Variants in SDAD1 observed in about 807,000 individuals in gnomAD.
SDAD1 encodes the protein protein SDA1 homolog.
Under a neutral mutation model 100.3 loss-of-function variants are expected in SDAD1, and 79 were observed. That is an observed-to-expected ratio of 0.79 (90% CI 0.66 to 0.95). The LOEUF (loss-of-function observed/expected upper bound fraction) is 0.95. SDAD1 is among the 40% of genes least tolerant of loss of function. The pLI is 0.00. For missense variants in SDAD1, 790 were observed against 810.9 expected (o/e 0.97, Z 0.31); for synonymous variants, 267 against 271.4 (o/e 0.98, Z 0.16).
At chr4:75,986,120 C>T (rs533391305) in intron 1 of SDAD1, among the ~76,000 whole-genome samples, 2 of 152,096 alleles carry the variant, frequency 1.3e-5, no homozygotes, top group South Asian at 4.2e-4. Context: ...TTATTTTTTT[C>T]ATTTTAATTT....
rs372914043 is a variant in SDAD1, at chr4:75,954,040, T to C, written c.2016+1935A>G. Among the ~76,000 whole-genome samples, 13 of 152,240 alleles carry C rather than the reference T, an allele frequency of 8.5e-5. No homozygotes were observed. The East Asian group carries it at 1.7e-3, about 20-fold the overall frequency. ...TTATTTTGCATTGCTTTTCTGAAAC[T>C]GTTTCTGAGATATCACCACACAAAA... On this transcript the variant is annotated intron_variant, in intron 21 of 21. Coordinates refer to ENST00000356260, the MANE Select transcript of SDAD1 (RefSeq NM_018115.4).
At chr4:75,966,121 A>G (rs1196854923) in intron 12 of SDAD1, among the ~76,000 whole-genome samples, 2 of 152,126 alleles carry the variant, frequency 1.3e-5, no homozygotes, top group East Asian at 3.8e-4. Flanking sequence ...TTACCTGGAC[A>G]TATTATATAT....
In SDAD1 at chr4:75,974,143, G is replaced by A. The variant is rs189508532; in HGVS notation, c.579-10C>T. 4.2e-5 allele frequency: 68 copies of A among 1,611,470 alleles called. No individual in the cohort carries two copies. Among genetic ancestry groups the A allele is most frequent in the Non-Finnish European group, 4.2e-5 (49 of 1,177,820 alleles). ...AGTTTTTGCATCATTCCTGGGGGAAGACAATGAATGCTTTGAAGTAAATTT... is the reference window on the plus strand; with the variant it reads ...AGTTTTTGCATCATTCCTGGGGGAAAACAATGAATGCTTTGAAGTAAATTT... On this transcript the variant is annotated splice_polypyrimidine_tract_variant and intron_variant, in intron 6 of 21. Transcript: ENST00000356260.
intron 12 of SDAD1, 84 bp from the exon 13 acceptor site, chr4:75,965,906 T>C (rs1463876405): frequency 9.2e-7 from 1 of 1,090,556 alleles, no homozygotes; most frequent in East Asian, 2.4e-5. Context: ...AAGCTCATTC[T>C]GGTCTAAATG....
chr4:75,981,554 C>T (rs774025113), intron 2 of SDAD1, 84 bp from the exon 3 acceptor site: 26 of 1,587,348 alleles, frequency 1.6e-5, no homozygotes, highest in Non-Finnish European at 2.1e-5. Flanking sequence ...TTCTGCAAAA[C>T]GAGAGTAAAA....
At chr4:75,980,178 G>A (rs1730417952) in intron 3 of SDAD1, among the ~76,000 whole-genome samples, 1 of 152,142 alleles carries the variant, frequency 6.6e-6, no homozygotes, top group Admixed American at 6.5e-5. Flanking sequence ...TAGACTAGGG[G>A]TTCAAGTTTG....
chr4:75,981,421 T>C lies in SDAD1; in HGVS notation c.245A>G (p.Lys82Arg). The part of the protein sequence containing the change: ...EYLSNFPQEV[K>R]DLLSCNHTVL... ...GGTATGATTGCAGGAGAGAAGATCT[T>C]TCACCTCTTGAGGAAAATTACTTAG... The change falls in exon 3 of 22, where the codon AAA (lysine) becomes AGA (arginine). Residue 82 changes from lysine (K) to arginine (R), a missense_variant. By Grantham distance (26) the Lys-to-Arg change is conservative. Coordinates refer to ENST00000356260, the MANE Select transcript of SDAD1 (RefSeq NM_018115.4). 6.2e-7 allele frequency: 1 copy of C among 1,613,884 alleles called. No homozygotes were observed. The highest frequency in any genetic ancestry group is 8.5e-7 in the Non-Finnish European group (1 of 1,179,812).
rs976082443 is a variant in SDAD1, at chr4:75,982,550, A to T, written c.91-513T>A. On this transcript the variant is annotated intron_variant, in intron 1 of 21. Coordinates refer to ENST00000356260, the MANE Select transcript of SDAD1 (RefSeq NM_018115.4). ...GTAATTCCAGCTACTCAACAGGCTG[A>T]AATGGGATGATCACTTGAGCCCAGG... 2.6e-5 allele frequency among the ~76,000 whole-genome samples: 4 copies of T among 152,122 alleles called. 1 individual carries two copies. Among genetic ancestry groups the T allele is most frequent in the Admixed American group, 2.0e-4 (3 of 15,272 alleles).
intron 8 of SDAD1, 136 bp downstream of exon 8, chr4:75,973,181 T>C (rs951827405): frequency 2.5e-5 from 16 of 634,684 alleles, no homozygotes; most frequent in Admixed American, 1.1e-4. Context: ...TAGAGTAAAA[T>C]AGCATGGCAG....
Position 75,964,224 on chromosome 4 carries a change from CAA to C in SDAD1, c.1105-15_1105-14del, listed in dbSNP as rs750068287. 2 of 1,558,436 alleles carry C rather than the reference CAA, an allele frequency of 1.3e-6. No individual in the cohort carries two copies. The highest frequency in any genetic ancestry group is 8.8e-7 in the Non-Finnish European group (1 of 1,136,592). ...ATGATTGAATAATCTGAATTGGAAA[CAA>C]AAAAGAGATGGGTGCTGATTAAATG... On this transcript the variant is annotated splice_polypyrimidine_tract_variant and intron_variant, in intron 13 of 21. Transcript: ENST00000356260.
In SDAD1 at chr4:75,981,470, T is replaced by C. The variant is rs200312920; in HGVS notation, c.196A>G (p.Ile66Val). 53 of 1,613,722 alleles carry C rather than the reference T, an allele frequency of 3.3e-5. No homozygotes were observed. Among genetic ancestry groups the C allele is most frequent in the Non-Finnish European group, 4.2e-5 (49 of 1,179,828 alleles). ...AGGTACTCTGGGTAGCAGTGACTAATCTGTAACAAAGCAAAGGCTCTTCTG... is the reference window on the plus strand; with the variant it reads ...AGGTACTCTGGGTAGCAGTGACTAACCTGTAACAAAGCAAAGGCTCTTCTG... Reference protein sequence around the residue: ...LAELVMFMAQISHCYPEYLSN... With the variant: ...LAELVMFMAQVSHCYPEYLSN... The change falls in exon 3 of 22, where the codon ATT (isoleucine) becomes GTT (valine). Residue 66 changes from isoleucine to valine, a missense_variant and splice_region_variant. Physicochemically the swap from Ile to Val is conservative, Grantham distance 29. Transcript: ENST00000356260.
chr4:75,953,994 A>C (rs1304648253), intron 21 of SDAD1, among the ~76,000 whole-genome samples: 1 of 152,218 alleles, frequency 6.6e-6, no homozygotes, highest in Non-Finnish European at 1.5e-5. Context: ...ACATACAGGA[A>C]GGATCATGCC....
chr4:75,954,306 C>T (rs553236801), intron 21 of SDAD1, among the ~76,000 whole-genome samples: 48 of 150,980 alleles, frequency 3.2e-4, no homozygotes, highest in Non-Finnish European at 4.6e-4. Flanking sequence ...GCCGTGAACC[C>T]GGGAGGCAGA....
At chr4:75,974,182 T>C in intron 6 of SDAD1, 49 bp from the exon 7 acceptor site, 1 of 1,450,002 alleles carries the variant, frequency 6.9e-7, no homozygotes, top group Non-Finnish European at 9.7e-7. Flanking sequence ...TTCTACTGTA[T>C]TTCATAGCAC....
intron 21 of SDAD1, among the ~76,000 whole-genome samples, chr4:75,955,144 T>C (rs892276022): frequency 2.0e-5 from 3 of 152,212 alleles, no homozygotes; most frequent in African/African-American, 7.2e-5. Flanking sequence ...ACACACTATA[T>C]TGTAAATTCT....
Position 75,974,127 on chromosome 4 carries a change from A to T in SDAD1, c.585T>A (p.Asp195Glu), listed in dbSNP as rs147061256. ...IELYRRNIWN[D>E]AKTVNVITTA... Reference sequence around the variant, plus strand: ...TTGTGATAACATTGACAGTTTTTGCATCATTCCTGGGGGAAGACAATGAAT... The same window carrying T: ...TTGTGATAACATTGACAGTTTTTGCTTCATTCCTGGGGGAAGACAATGAAT... The change falls in exon 7 of 22, where the codon GAT (aspartate) becomes GAA (glutamate). Residue 195 changes from aspartate to glutamate, a missense_variant. Physicochemically the swap from Asp to Glu is conservative, Grantham distance 45. Transcript: ENST00000356260. The T allele has an allele frequency of 9.7e-5, 157 of 1,613,692 alleles. No homozygotes were observed. Among genetic ancestry groups the T allele is most frequent in the Non-Finnish European group, 1.2e-4 (147 of 1,179,692 alleles).
Position 75,957,597 on chromosome 4 carries a change from T to C in SDAD1, c.1690A>G (p.Met564Val). The stretch of plus-strand genomic sequence containing the variant: ...GGGGCAGCATCAAGTTCTTTTCTCA[T>C]TTGGGCCATGCGGATTTTCTGGAAG... ...EDFQKIRMAQ[M>V]RKELDAAPGK... The change falls in exon 19 of 22, where the codon ATG (methionine) becomes GTG (valine). Residue 564 changes from methionine (M) to valine (V), a missense_variant. Transcript: ENST00000356260. 1 of 1,614,200 alleles carries C rather than the reference T, an allele frequency of 6.2e-7. No homozygotes were observed. The highest frequency in any genetic ancestry group is 1.7e-5 in the Admixed American group (1 of 60,022).
At position 75,974,106 on chromosome 4, in the gene SDAD1, GA is replaced by G; in HGVS notation, c.605del (p.Ile202ThrfsTer13). On this transcript the variant is annotated frameshift_variant, in exon 7 of 22. Coordinates refer to ENST00000356260, the MANE Select transcript of SDAD1 (RefSeq NM_018115.4). LOFTEE classifies it high-confidence loss of function. ...IWNDAKTVNV[I>X]TTACFSKVTK... ...TGACCTTAGAGAAACATGCAGTTGT[GA>G]TAACATTGACAGTTTTTGCATCATT... 6.2e-7 allele frequency: 1 copy of G among 1,613,782 alleles called. No individual in the cohort carries two copies. The highest frequency in any genetic ancestry group is 8.5e-7 in the Non-Finnish European group (1 of 1,179,790).
intron 14 of SDAD1, among the ~76,000 whole-genome samples, chr4:75,963,195 T>C (rs1729346048): frequency 6.6e-6 from 1 of 152,120 alleles, no homozygotes; most frequent in Admixed American, 6.5e-5. Context: ...AAAGAACAGA[T>C]GGTTATAGAT....
Sources: gnomAD v4.1 joint callset for allele counts (sites outside exome capture counted in the v4.1 genomes callset) on GRCh38, gnomAD v4.1.1 for gene constraint, MANE v1.5 for transcripts, NCBI Gene and HGNC (gene_info 2026-07-23, HGNC 2026-07-21) for gene names.